The following VPS37A variants were observed in gnomAD, a reference collection of about 807,000 sequenced individuals.
VPS37A encodes VPS37A subunit of ESCRT-I.
Under a neutral mutation model 49.8 loss-of-function variants are expected in VPS37A, and 30 were observed. The ratio of observed to expected loss-of-function variants is 0.60; its 90% CI spans 0.45 to 0.82. The LOEUF is 0.82. VPS37A is among the 40% of genes least tolerant of loss of function. The pLI is 0.00. For missense variants in VPS37A, 593 were observed against 464.4 expected, an observed-to-expected ratio of 1.28 and a Z score of -2.55; for synonymous variants, 195 against 160.6, an observed-to-expected ratio of 1.21 and a Z score of -1.62.
intron 11 of VPS37A, among the ~76,000 whole-genome samples, chr8:17,293,764 G>C (rs940424094): frequency 3.9e-5 from 6 of 152,194 alleles, no homozygotes; most frequent in African/African-American, 1.4e-4. Flanking sequence ...CTGTTTGCCT[G>C]GGTATCACCA....
intron 11 of VPS37A, among the ~76,000 whole-genome samples, chr8:17,289,245 TG>T (rs1418980136): frequency 6.6e-6 from 1 of 152,186 alleles, no homozygotes; most frequent in Non-Finnish European, 1.5e-5. Context: ...TTGTTGCCAT[TG>T]TTTTTTTGTG....
At chr8:17,247,747 A>G (rs776879843) in intron 1 of VPS37A, 16 of 702,534 alleles carry the variant, frequency 2.3e-5, no homozygotes, top group South Asian at 8.9e-5. Context: ...TTAAAATACA[A>G]TTGTGAAGAG....
At chr8:17,291,357 C>G (rs1479913689) in intron 11 of VPS37A, among the ~76,000 whole-genome samples, 1 of 151,684 alleles carries the variant, frequency 6.6e-6, no homozygotes, top group African/African-American at 2.4e-5. Flanking sequence ...TGATTCTTCT[C>G]TCTTTTCTTC....
chr8:17,316,479 A>AAT, the VPS37A span, among the ~76,000 whole-genome samples: 1 of 140,652 alleles, frequency 7.1e-6, no homozygotes, highest in Non-Finnish European at 1.5e-5. Context: ...AAAAAAAAAA[A>AAT]CCTTTCTACA....
At chr8:17,304,705 C>A (rs1462812557), downstream of VPS37A, among the ~76,000 whole-genome samples, 1 of 146,880 alleles carries the variant, frequency 6.8e-6, no homozygotes, top group African/African-American at 2.6e-5. Flanking sequence ...ATAATCTCAA[C>A]TTCACCACCA....
chr8:17,300,249 G>A, downstream of VPS37A: 1 of 1,580,278 alleles, frequency 6.3e-7, no homozygotes, highest in Non-Finnish European at 8.6e-7. Context: ...ACAATTTCAG[G>A]GGAAAAATCA....
chr8:17,287,766 A>C (rs1171839382), intron 11 of VPS37A, among the ~76,000 whole-genome samples: 1 of 152,166 alleles, frequency 6.6e-6, no homozygotes, highest in Non-Finnish European at 1.5e-5. Context: ...GGAGATAAAC[A>C]AGAGTCCCTG....
chr8:17,274,966 T>C lies in VPS37A; in HGVS notation c.642+8T>C. ...GTGGATGCTTCAATACCGGTTGGTA[T>C]CGTCAGTTATCTATATTTTGTGCCA... On this transcript the variant is annotated splice_region_variant and intron_variant, in intron 5 of 11. Transcript: ENST00000324849. 5.0e-6 allele frequency: 8 copies of C among 1,610,546 alleles called. No individual in the cohort carries two copies. Among genetic ancestry groups the C allele is most frequent in the African/African-American group, 1.3e-5 (1 of 74,976 alleles).
At chr8:17,266,681 C>T (rs528675969) in intron 2 of VPS37A, among the ~76,000 whole-genome samples, 66 of 152,232 alleles carry the variant, frequency 4.3e-4, no homozygotes, top group Non-Finnish European at 8.2e-4. Flanking sequence ...TGCCAGCATA[C>T]TGCCTGTACA....
intron 11 of VPS37A, among the ~76,000 whole-genome samples, chr8:17,287,177 G>A (rs1366095759): frequency 1.3e-5 from 2 of 152,108 alleles, no homozygotes; most frequent in Non-Finnish European, 2.9e-5. Flanking sequence ...TGATTTGTTT[G>A]CAAGAATAGT....
At chr8:17,286,515 C>T in intron 11 of VPS37A, 88 bp downstream of exon 11, 1 of 1,113,254 alleles carries the variant, frequency 9.0e-7, no homozygotes, top group African/African-American at 1.6e-5. Context: ...GTTCATCAGC[C>T]TTAAGCATAA....
intron 4 of VPS37A, among the ~76,000 whole-genome samples, chr8:17,270,807 G>A (rs576223750): frequency 7.2e-4 from 109 of 152,272 alleles, no homozygotes; most frequent in South Asian, 1.5e-3. Context: ...CCAAGAACTT[G>A]CAGAGTTCAT....
chr8:17,276,285 T>C lies in VPS37A; in HGVS notation c.643-112T>C, dbSNP rs527602648. 1.3e-3 allele frequency: 971 copies of C among 776,098 alleles called. 1 individual carries two copies. Among genetic ancestry groups the C allele is most frequent in the Middle Eastern group, 5.5e-3 (21 of 3,846 alleles). The allele number at this position is 776,098 out of a possible 1,614,324, so 48.1% of individuals were successfully genotyped here. ...AGTGTGAGATGTGAAGATGAAAATA[T>C]GATAATGCAAACAGTTATGGGATAT... On this transcript the variant is annotated intron_variant, in intron 5 of 11. Coordinates refer to ENST00000324849, the MANE Select transcript of VPS37A (RefSeq NM_152415.3).
intron 11 of VPS37A, among the ~76,000 whole-genome samples, chr8:17,291,974 G>A (rs1816199711): frequency 6.6e-6 from 1 of 152,162 alleles, no homozygotes; most frequent in South Asian, 2.1e-4. Flanking sequence ...TAGTTCTGTA[G>A]ATGTCTATTA....
At chr8:17,316,337 T>G in the VPS37A span, among the ~76,000 whole-genome samples, 1 of 151,986 alleles carries the variant, frequency 6.6e-6, no homozygotes, top group African/African-American at 2.4e-5. Flanking sequence ...TAGATATCCA[T>G]ATTATGTAAA....
At chr8:17,253,531 A>T (rs1430320677) in intron 1 of VPS37A, among the ~76,000 whole-genome samples, 1 of 152,258 alleles carries the variant, frequency 6.6e-6, no homozygotes, top group Non-Finnish European at 1.5e-5. Flanking sequence ...GGCAAAGGCT[A>T]TGGAGACTTT....
At chr8:17,279,100 C>G (rs1437188557) in intron 6 of VPS37A, among the ~76,000 whole-genome samples, 2 of 152,074 alleles carry the variant, frequency 1.3e-5, no homozygotes, top group African/African-American at 4.8e-5. Flanking sequence ...ATCTATAACT[C>G]TTACTGTGAC....
At chr8:17,299,604 A>G (rs112484724), downstream of VPS37A, 18,487 of 463,148 alleles carry the variant, frequency 0.04, 513 homozygotes, top group African/African-American at 0.089. Context: ...ATTGCTCTGC[A>G]GTGAATATAA....
intron 6 of VPS37A, 85 bp downstream of exon 6, chr8:17,276,552 A>G: frequency 1.5e-6 from 2 of 1,354,010 alleles, no homozygotes; most frequent in Non-Finnish European, 2.0e-6. Flanking sequence ...CATATAAATT[A>G]AAGTTTAAAA....
Sources: gnomAD v4.1 joint callset for allele counts (sites outside exome capture counted in the v4.1 genomes callset) on GRCh38, gnomAD v4.1.1 for gene constraint, MANE v1.5 for transcripts, NCBI Gene and HGNC (gene_info 2026-07-23, HGNC 2026-07-21) for gene names.